Variants in ARLN observed in about 807,000 individuals in gnomAD.
ARLN encodes the protein sarcoplasmic/endoplasmic reticulum calcium ATPase regulator ARLN.
chr4:119,297,530 C>T, the ARLN span: 1 of 152,256 alleles, frequency 6.6e-6, no homozygotes, highest in African/African-American at 2.4e-5. Flanking sequence ...GCAACCTCCA[C>T]CTCCCGGATT....
At chr4:119,298,337 C>T in the ARLN span, 1 of 152,952 alleles carries the variant, frequency 6.5e-6, no homozygotes. Context: ...TTCCCTCTCT[C>T]AAAATCTTTC....
the ARLN span, chr4:119,300,613 A>C: frequency 6.2e-7 from 1 of 1,604,644 alleles, no homozygotes; most frequent in Non-Finnish European, 8.5e-7. Context: ...GCCGCACCGG[A>C]AACTGAGCGG....
At chr4:119,300,526 C>A in the ARLN span, 1 of 1,614,144 alleles carries the variant, frequency 6.2e-7, no homozygotes, top group East Asian at 2.2e-5. Context: ...CCCGGTGCGT[C>A]CACCTCCATC....
the ARLN span, chr4:119,296,726 G>A: frequency 1.2e-4 from 19 of 152,128 alleles, no homozygotes; most frequent in Admixed American, 1.2e-3. Flanking sequence ...TGGAGTGGGT[G>A]GCTCTTTTTT....
At chr4:119,300,922 A>C in the ARLN span, 3 of 944,676 alleles carry the variant, frequency 3.2e-6, no homozygotes, top group South Asian at 5.5e-5. Context: ...CACCTCTCCT[A>C]TCCCCGTATT....
At chr4:119,298,930 A>AAAAC in the ARLN span, 368,672 of 500,314 alleles carry the variant, frequency 0.74, 136,498 homozygotes, top group Non-Finnish European at 0.76. Flanking sequence ...TCAGGTCATA[A>AAAAC]AAACACACAC....
At chr4:119,298,596 T>G in the ARLN span, 1 of 475,724 alleles carries the variant, frequency 2.1e-6, no homozygotes, top group Non-Finnish European at 3.8e-6. Flanking sequence ...TAGGAATGGG[T>G]GAAATCCTAC....
At chr4:119,301,643 A>G in the ARLN span, among the ~76,000 whole-genome samples, 1,693 of 152,334 alleles carry the variant, frequency 0.011, 17 homozygotes, top group Non-Finnish European at 0.019. Context: ...CTCTTGGTGC[A>G]TAGTAAATGG....
the ARLN span, chr4:119,300,199 A>AC: frequency 1.4e-6 from 1 of 712,696 alleles, no homozygotes; most frequent in Non-Finnish European, 2.4e-6. Flanking sequence ...TCCCCCACCC[A>AC]CCCGACTGCG....
the ARLN span, chr4:119,300,468 C>T: frequency 4.3e-6 from 7 of 1,614,074 alleles, no homozygotes; most frequent in Non-Finnish European, 5.9e-6. Flanking sequence ...CTGCCTCCCT[C>T]CCTCGCTAAA....
At chr4:119,297,050 G>C in the ARLN span, 1 of 152,166 alleles carries the variant, frequency 6.6e-6, no homozygotes, top group African/African-American at 2.4e-5. Flanking sequence ...ACCAAACTCA[G>C]CTATATAAGT....
the ARLN span, chr4:119,300,453 A>T: frequency 8.1e-6 from 13 of 1,613,936 alleles, no homozygotes; most frequent in African/African-American, 1.5e-4. Flanking sequence ...CCTCACATCG[A>T]AGTTCTGCCT....
chr4:119,300,810 G>T, the ARLN span: 5 of 1,440,480 alleles, frequency 3.5e-6, no homozygotes, highest in South Asian at 7.3e-5. Context: ...GTCCCAGGCA[G>T]ATAGCTGGTT....
chr4:119,298,576 A>G, the ARLN span: 5 of 459,304 alleles, frequency 1.1e-5, no homozygotes, highest in African/African-American at 1.0e-4. Flanking sequence ...TTTAATTTTA[A>G]GAACTTAGCT....
At chr4:119,300,744 G>A in the ARLN span, 1 of 1,506,724 alleles carries the variant, frequency 6.6e-7, no homozygotes, top group Non-Finnish European at 8.8e-7. Context: ...CTGGCATGAA[G>A]CGCGGCCTCC....
At chr4:119,298,763 G>T in the ARLN span, 2 of 773,910 alleles carry the variant, frequency 2.6e-6, no homozygotes, top group East Asian at 2.4e-5. Flanking sequence ...TCTTAATTTA[G>T]ATATCAGCGA....
chr4:119,302,385 C>A, the ARLN span, among the ~76,000 whole-genome samples: 1 of 152,146 alleles, frequency 6.6e-6, no homozygotes, highest in Non-Finnish European at 1.5e-5. Flanking sequence ...TCCGACTTTA[C>A]CCTTGTAAAA....
chr4:119,299,647 G>A, the ARLN span, among the ~76,000 whole-genome samples: 1 of 152,164 alleles, frequency 6.6e-6, no homozygotes, highest in Non-Finnish European at 1.5e-5. Context: ...TGAAAATGGA[G>A]AGCATGGGTT....
At chr4:119,300,967 C>G in the ARLN span, 1 of 643,774 alleles carries the variant, frequency 1.6e-6, no homozygotes, top group Non-Finnish European at 2.5e-6. Context: ...GTTAGGAAGG[C>G]CCCCTCTGGT....
Sources: gnomAD v4.1 joint callset for allele counts (sites outside exome capture counted in the v4.1 genomes callset) on GRCh38, gnomAD v4.1.1 for gene constraint, MANE v1.5 for transcripts, NCBI Gene and HGNC (gene_info 2026-07-23, HGNC 2026-07-21) for gene names.